The following ZNF503 variants were observed in gnomAD, a reference collection of about 807,000 sequenced individuals.
ZNF503 encodes zinc finger protein 503.
A neutral mutation model predicts 34.4 loss-of-function variants in ZNF503; 15 were observed. The observed-to-expected ratio is 0.44, with a 90% CI of 0.29 to 0.67. ZNF503 has a LOEUF of 0.67. ZNF503 is among the 30% of genes least tolerant of loss of function. The pLI is 0.13. For missense variants in ZNF503, 1,007 were observed against 926.8 expected, an observed-to-expected ratio of 1.09 and a Z score of -1.12; for synonymous variants, 580 against 456.8, an observed-to-expected ratio of 1.27 and a Z score of -3.44.
At chr10:75,384,002 G>A in the ZNF503 span, among the ~76,000 whole-genome samples, 5 of 152,186 alleles carry the variant, frequency 3.3e-5, no homozygotes, top group African/African-American at 1.2e-4. Context: ...AAGGTGATTA[G>A]GAGACCTCAG....
At chr10:75,306,056 C>G in the ZNF503 span, among the ~76,000 whole-genome samples, 1 of 152,114 alleles carries the variant, frequency 6.6e-6, no homozygotes, top group Admixed American at 6.6e-5. Flanking sequence ...TGCATACATG[C>G]AGAAGAATTG....
At chr10:75,283,281 GT>G in the ZNF503 span, 3 of 152,404 alleles carry the variant, frequency 2.0e-5, no homozygotes, top group African/African-American at 7.2e-5. Context: ...ACCAGGAGGT[GT>G]CCCCCTGTCA....
At chr10:75,317,362 C>T in the ZNF503 span, among the ~76,000 whole-genome samples, 1 of 145,550 alleles carries the variant, frequency 6.9e-6, no homozygotes, top group Non-Finnish European at 1.5e-5. Context: ...ACTGCAAGCT[C>T]CATCTCTCGG....
downstream of ZNF503, among the ~76,000 whole-genome samples, chr10:75,396,031 T>C (rs1843692720): frequency 2.0e-5 from 3 of 152,034 alleles, no homozygotes; most frequent in South Asian, 6.2e-4. This position sits in a 1 kb window ranked among gnomAD's most constrained non-coding sequence, Gnocchi z 4.4. Flanking sequence ...CAGGAGCGCG[T>C]GGCCGCTGCT....
chr10:75,367,485 A>G, the ZNF503 span, among the ~76,000 whole-genome samples: 2 of 152,302 alleles, frequency 1.3e-5, no homozygotes, highest in Non-Finnish European at 2.9e-5. Context: ...GGGGCCATAC[A>G]TCATCGTGTC....
At chr10:75,361,520 T>G in the ZNF503 span, 1 of 152,166 alleles carries the variant, frequency 6.6e-6, no homozygotes, top group Non-Finnish European at 1.5e-5. Context: ...TTAAGGGGTC[T>G]TCAATACCTC....
the ZNF503 span, among the ~76,000 whole-genome samples, chr10:75,360,438 T>C: frequency 3.3e-5 from 5 of 151,982 alleles, no homozygotes; most frequent in African/African-American, 1.2e-4. Flanking sequence ...GGGGCCCTTG[T>C]TTTTCAGGTT....
the ZNF503 span, among the ~76,000 whole-genome samples, chr10:75,318,584 G>A: frequency 6.6e-6 from 1 of 150,444 alleles, no homozygotes; most frequent in African/African-American, 2.4e-5. Flanking sequence ...CAGGAGGATC[G>A]ATTGAGCCTA....
the ZNF503 span, among the ~76,000 whole-genome samples, chr10:75,391,514 A>G: frequency 7.2e-5 from 11 of 152,336 alleles, no homozygotes; most frequent in South Asian, 1.0e-3. Context: ...GAGAATATCT[A>G]TCTTCCATAA....
At chr10:75,371,362 G>A in the ZNF503 span, among the ~76,000 whole-genome samples, 7 of 152,332 alleles carry the variant, frequency 4.6e-5, no homozygotes, top group Admixed American at 4.6e-4. Context: ...AACACTGGGA[G>A]CACTCAATAG....
chr10:75,332,508 G>C, the ZNF503 span, among the ~76,000 whole-genome samples: 1 of 134,792 alleles, frequency 7.4e-6, no homozygotes, highest in Non-Finnish European at 1.6e-5. Flanking sequence ...GATAATTCTT[G>C]GGTGTTTCTC....
At chr10:75,348,074 G>A in the ZNF503 span, among the ~76,000 whole-genome samples, 26 of 151,306 alleles carry the variant, frequency 1.7e-4, 1 homozygote, top group African/African-American at 5.6e-4. Flanking sequence ...TCTTTTTTTT[G>A]TTTTTTTTGA....
chr10:75,399,248 G>A lies in ZNF503; in HGVS notation c.1442C>T (p.Ser481Leu). 6.3e-7 allele frequency: 1 copy of A among 1,593,866 alleles called. No homozygotes were observed. The highest frequency in any genetic ancestry group is 8.6e-7 in the Non-Finnish European group (1 of 1,169,440). Residue 481 changes from serine to leucine, a missense_variant, in exon 2 of 2, where the codon TCG (serine) becomes TTG (leucine). Coordinates refer to ENST00000372524, the MANE Select transcript of ZNF503 (RefSeq NM_032772.6). ...GCCAGCAGCCGCGGCGGCCGTTAGC[G>A]AGGAGTGCACACCGTGCAGCGGGTG... ...PTHPLHGVHS[S>L]LTAAAAAGAT...
At chr10:75,373,990 C>G in the ZNF503 span, among the ~76,000 whole-genome samples, 1 of 152,336 alleles carries the variant, frequency 6.6e-6, no homozygotes, top group Non-Finnish European at 1.5e-5. Context: ...TTGGCATACT[C>G]TAAAATGCAA....
At chr10:75,309,918 G>C in the ZNF503 span, among the ~76,000 whole-genome samples, 1 of 152,052 alleles carries the variant, frequency 6.6e-6, no homozygotes, top group Non-Finnish European at 1.5e-5. Flanking sequence ...TTTGTATATA[G>C]TGTTAGGTAA....
chr10:75,294,759 A>T, the ZNF503 span, among the ~76,000 whole-genome samples: 4 of 78,288 alleles, frequency 5.1e-5, no homozygotes, highest in East Asian at 8.7e-4. Flanking sequence ...GAGCCCGGAG[A>T]GAAAGAAGGG....
chr10:75,382,550 G>A, the ZNF503 span: 10 of 516,792 alleles, frequency 1.9e-5, no homozygotes, highest in Non-Finnish European at 3.5e-5. Flanking sequence ...GGTGACTGGT[G>A]TCTCTTTCTC....
the ZNF503 span, among the ~76,000 whole-genome samples, chr10:75,332,464 TTTTC>T: frequency 2.7e-4 from 20 of 73,018 alleles, no homozygotes; most frequent in African/African-American, 1.2e-3. Flanking sequence ...CAGTTTAAAT[TTTTC>T]TTTTTTTTTT....
At chr10:75,348,134 C>T in the ZNF503 span, among the ~76,000 whole-genome samples, 1 of 152,178 alleles carries the variant, frequency 6.6e-6, no homozygotes, top group African/African-American at 2.4e-5. Context: ...ACAATCTCGG[C>T]TCACTGCAAC....
Sources: gnomAD v4.1 joint callset for allele counts (sites outside exome capture counted in the v4.1 genomes callset) on GRCh38, gnomAD v4.1.1 for gene constraint, Gnocchi (gnomAD v3.1) non-coding constraint, MANE v1.5 for transcripts, NCBI Gene and HGNC (gene_info 2026-07-23, HGNC 2026-07-21) for gene names.